Variants in DMXL2 observed in about 807,000 individuals in gnomAD.
The protein encoded by DMXL2 is dmX-like protein 2.
Under a neutral mutation model 331.1 loss-of-function variants are expected in DMXL2, and 103 were observed. The ratio of observed to expected loss-of-function variants is 0.31; its 90% CI spans 0.27 to 0.37. The LOEUF is 0.37. Among genes scored for constraint, DMXL2 ranks in the 10% least tolerant of loss-of-function variants. The pLI is 1.00. For synonymous variants in DMXL2, 1,281 were observed against 1,252.1 expected (o/e 1.02, Z -0.49); for missense variants, 3,171 against 3,642.9 (o/e 0.87, Z 3.33).
chr15:51,468,987 G>A (rs1265293934), intron 29 of DMXL2, among the ~76,000 whole-genome samples: 1 of 152,048 alleles, frequency 6.6e-6, no homozygotes, highest in Non-Finnish European at 1.5e-5. Flanking sequence ...GAGAGGTGGA[G>A]CCTATAGATT....
At chr15:51,503,322 A>C (rs558909959) in intron 16 of DMXL2, among the ~76,000 whole-genome samples, 1 of 152,334 alleles carries the variant, frequency 6.6e-6, no homozygotes, top group Non-Finnish European at 1.5e-5. Context: ...AATCAACCTA[A>C]GTATCCATCA....
Position 51,536,150 on chromosome 15 carries a change from T to TACAATGA in DMXL2, c.2314+9_2314+15dup. The stretch of plus-strand genomic sequence containing the variant: ...TAAAAGCTTGTGTTAATTTCACAAT[T>TACAATGA]ACAATGAACACTTACCTAGACAGTA... On this transcript the variant is annotated intron_variant, in intron 12 of 43. Transcript: ENST00000560891. 1 of 1,525,922 alleles carries TACAATGA rather than the reference T, an allele frequency of 6.6e-7. No homozygotes were observed. The allele number at this position is 1,525,922 out of a possible 1,614,324, so 94.5% of individuals were successfully genotyped here. A position where few individuals can be genotyped will look rare whatever the true frequency, so the allele number is the denominator to read the frequency against.
intron 1 of DMXL2, among the ~76,000 whole-genome samples, chr15:51,597,324 A>G (rs1390596837): frequency 6.6e-6 from 1 of 152,130 alleles, no homozygotes; most frequent in African/African-American, 2.4e-5. Context: ...TTTTTGGGAA[A>G]TCACCCCCTT....
intron 1 of DMXL2, among the ~76,000 whole-genome samples, chr15:51,580,034 T>A (rs963205052): frequency 6.6e-6 from 1 of 152,194 alleles, no homozygotes; most frequent in Non-Finnish European, 1.5e-5. Context: ...CTACCTCTAT[T>A]CCATGAAGAT....
At chr15:51,471,435 A>T in intron 28 of DMXL2, 34 bp from the exon 29 acceptor site, 1 of 1,550,022 alleles carries the variant, frequency 6.5e-7, no homozygotes, top group African/African-American at 1.4e-5. Context: ...AAAATCTAGC[A>T]TTCATTTTCC....
chr15:51,451,811 T>C, intron 41 of DMXL2, 114 bp from the exon 42 acceptor site: 1 of 844,930 alleles, frequency 1.2e-6, no homozygotes, highest in South Asian at 1.6e-5. Context: ...ATCTTTTTTG[T>C]TCACTCACAC....
intron 6 of DMXL2, among the ~76,000 whole-genome samples, chr15:51,553,372 TA>T (rs2049341516): frequency 6.6e-6 from 1 of 152,208 alleles, no homozygotes; most frequent in South Asian, 2.1e-4. Flanking sequence ...TTTACGTATA[TA>T]AAGTCTATTA....
chr15:51,561,297 T>C (rs1643978794), intron 6 of DMXL2, among the ~76,000 whole-genome samples: 1 of 152,224 alleles, frequency 6.6e-6, no homozygotes, highest in Admixed American at 6.5e-5. Context: ...AGTTGGATAG[T>C]GTGCTTTGGC....
At chr15:51,455,781 G>C (rs949864640) in intron 39 of DMXL2, among the ~76,000 whole-genome samples, 3 of 152,112 alleles carry the variant, frequency 2.0e-5, no homozygotes, top group South Asian at 2.1e-4. Context: ...TTTCTCTCAA[G>C]AACTTTACTG....
intron 38 of DMXL2, 51 bp downstream of exon 38, chr15:51,456,258 A>G: frequency 3.8e-6 from 6 of 1,599,078 alleles, no homozygotes; most frequent in Non-Finnish European, 5.1e-6. Context: ...CTATTCTATA[A>G]ATCAACCTCC....
At chr15:51,537,898 T>C (rs1035887332) in intron 10 of DMXL2, 139 bp from the exon 11 acceptor site, 13 of 1,076,318 alleles carry the variant, frequency 1.2e-5, no homozygotes, top group African/African-American at 9.6e-5. Flanking sequence ...AAGGAAACTT[T>C]TGTCTGAATT....
chr15:51,618,194 G>T (rs1372229653), intron 1 of DMXL2, among the ~76,000 whole-genome samples: 3 of 152,076 alleles, frequency 2.0e-5, no homozygotes. Flanking sequence ...TTAAATGCTG[G>T]TAATATTGCA....
intron 17 of DMXL2, 93 bp from the exon 18 acceptor site, chr15:51,500,324 A>C: frequency 7.8e-7 from 1 of 1,278,068 alleles, no homozygotes; most frequent in Middle Eastern, 2.7e-4. Context: ...GATCAATTTA[A>C]AGTCACTATG....
At chr15:51,503,217 T>C (rs1359882391) in intron 16 of DMXL2, among the ~76,000 whole-genome samples, 184 bp from the exon 17 acceptor site, 1 of 152,184 alleles carries the variant, frequency 6.6e-6, no homozygotes, top group Non-Finnish European at 1.5e-5. Context: ...ATCTCACTAC[T>C]AGGTGTTTAC....
intron 6 of DMXL2, among the ~76,000 whole-genome samples, chr15:51,557,116 A>G (rs2049645614): frequency 6.6e-6 from 1 of 152,228 alleles, no homozygotes; most frequent in African/African-American, 2.4e-5. Context: ...TTCATTATTC[A>G]TAGATTATAT....
At chr15:51,576,003 G>T in intron 2 of DMXL2, 53 bp downstream of exon 2, 1 of 1,511,486 alleles carries the variant, frequency 6.6e-7, no homozygotes, top group Non-Finnish European at 9.0e-7. Context: ...AAGATTCTGA[G>T]ATTATTAAAC....
chr15:51,491,258 T>C (rs1167444621), intron 20 of DMXL2, among the ~76,000 whole-genome samples: 3 of 152,160 alleles, frequency 2.0e-5, no homozygotes, highest in Non-Finnish European at 2.9e-5. Flanking sequence ...CTGGCCAACA[T>C]GGTGAAACCC....
At chr15:51,474,089 A>G (rs1468762755) in intron 28 of DMXL2, among the ~76,000 whole-genome samples, 1 of 146,954 alleles carries the variant, frequency 6.8e-6, no homozygotes, top group Non-Finnish European at 1.5e-5. Context: ...ATTTACCTTT[A>G]CCTTTCCTCT....
intron 27 of DMXL2, among the ~76,000 whole-genome samples, 177 bp from the exon 28 acceptor site, chr15:51,474,769 C>T (rs2041424976): frequency 6.6e-6 from 1 of 152,088 alleles, no homozygotes; most frequent in Non-Finnish European, 1.5e-5. Flanking sequence ...ATAAAATCAT[C>T]CATTTGTCTA....
Sources: gnomAD v4.1 joint callset for allele counts (sites outside exome capture counted in the v4.1 genomes callset) on GRCh38, gnomAD v4.1.1 for gene constraint, MANE v1.5 for transcripts, NCBI Gene and HGNC (gene_info 2026-07-23, HGNC 2026-07-21) for gene names.